Variants in TANC2 observed in about 807,000 individuals in gnomAD.
TANC2 encodes tetratricopeptide repeat, ankyrin repeat and coiled-coil containing 2, also known as protein TANC2.
TANC2 carries 26 observed loss-of-function variants against 210.5 expected under a neutral mutation model. That is an observed-to-expected ratio of 0.12 (90% confidence interval 0.09 to 0.17). The LOEUF is 0.17. TANC2 is among the 10% of genes least tolerant of loss of function. The pLI, the probability that TANC2 is intolerant of heterozygous loss-of-function variation, is 1.00. For synonymous variants in TANC2, 931 were observed against 967.1 expected (o/e 0.96, Z 0.69); for missense variants, 2,129 against 2,608.9 (o/e 0.82, Z 4.01).
At chr17:63,302,958 C>G (rs546290481) in intron 9 of TANC2, among the ~76,000 whole-genome samples, 1 of 151,974 alleles carries the variant, frequency 6.6e-6, no homozygotes, top group South Asian at 2.1e-4. Flanking sequence ...GAGACAGTTT[C>G]GCCATGTTGG....
chr17:63,009,474 C>A, intron 1 of TANC2, 63 bp from the exon 2 acceptor site: 1 of 1,098,538 alleles, frequency 9.1e-7, no homozygotes, highest in Non-Finnish European at 1.4e-6. Flanking sequence ...TGACTATAGT[C>A]ACCCTCTTAT....
chr17:63,139,881 G>T (rs1013437114), intron 4 of TANC2, among the ~76,000 whole-genome samples: 25 of 152,202 alleles, frequency 1.6e-4, no homozygotes, highest in Admixed American at 1.2e-3. Flanking sequence ...TTCAGCCAGG[G>T]TGACAGAGCA....
intron 9 of TANC2, among the ~76,000 whole-genome samples, chr17:63,309,953 T>C (rs2045061545): frequency 9.4e-6 from 1 of 106,286 alleles, no homozygotes; most frequent in African/African-American, 5.8e-5. Flanking sequence ...CTGGTAAAAT[T>C]TGTTAACCCT....
chr17:63,175,821 G>C (rs72845209), intron 5 of TANC2, among the ~76,000 whole-genome samples: 7,362 of 152,192 alleles, frequency 0.048, 263 homozygotes, highest in Non-Finnish European at 0.078. Flanking sequence ...TTAACAAGAA[G>C]ACAACTGAAT....
At chr17:63,094,237 C>G (rs2037306112) in intron 3 of TANC2, among the ~76,000 whole-genome samples, 1 of 151,904 alleles carries the variant, frequency 6.6e-6, no homozygotes, top group South Asian at 2.1e-4. Context: ...TGTTAAACTT[C>G]TCGGGGCCTG....
At chr17:63,280,931 C>T (rs545316938) in intron 9 of TANC2, among the ~76,000 whole-genome samples, 2 of 152,274 alleles carry the variant, frequency 1.3e-5, no homozygotes, top group South Asian at 4.1e-4. Flanking sequence ...TCTGGCACCT[C>T]TGGCCTGACA....
At chr17:63,209,220 C>T (rs1203505497) in intron 7 of TANC2, among the ~76,000 whole-genome samples, 5 of 151,750 alleles carry the variant, frequency 3.3e-5, no homozygotes, top group Non-Finnish European at 5.9e-5. Context: ...AACATATTGC[C>T]GAGGCTGGTC....
intron 9 of TANC2, among the ~76,000 whole-genome samples, chr17:63,308,994 T>C (rs2045024283): frequency 6.6e-6 from 1 of 152,198 alleles, no homozygotes; most frequent in Non-Finnish European, 1.5e-5. Flanking sequence ...GTAATCATAA[T>C]ATATATTGTT....
At chr17:62,987,588 C>T (rs2032633959) in intron 1 of TANC2, among the ~76,000 whole-genome samples, 1 of 152,122 alleles carries the variant, frequency 6.6e-6, no homozygotes, top group South Asian at 2.1e-4. Flanking sequence ...CCTACCTTTT[C>T]CCTGCAACAG....
rs2037870209 is a variant in TANC2 at position 63,107,443 on chromosome 17, G to A, written c.322+8086G>A. On this transcript the variant is annotated intron_variant, in intron 4 of 27. Transcript: ENST00000689528. ...CATGAAGTAGATGTTAACGATTATT[G>A]CTTTTTTATGCATGAGACAACATGG... Among the ~76,000 whole-genome samples, 3 of 151,700 alleles carry A rather than the reference G, an allele frequency of 2.0e-5. No individual in the cohort carries two copies. The South Asian group carries it at 6.2e-4, about 31-fold the overall frequency.
intron 14 of TANC2, among the ~76,000 whole-genome samples, chr17:63,365,014 A>G (rs1349526786): frequency 6.6e-6 from 1 of 152,230 alleles, no homozygotes; most frequent in African/African-American, 2.4e-5. Context: ...TGAAAGTAGC[A>G]CAGGAATTAG....
At chr17:63,138,336 AG>A (rs1282750465) in intron 4 of TANC2, among the ~76,000 whole-genome samples, 1 of 152,214 alleles carries the variant, frequency 6.6e-6, no homozygotes, top group Non-Finnish European at 1.5e-5. Flanking sequence ...CCCTAATACG[AG>A]GAGAAAACAT....
At chr17:63,242,622 A>G (rs766694145) in intron 8 of TANC2, among the ~76,000 whole-genome samples, 2 of 152,158 alleles carry the variant, frequency 1.3e-5, no homozygotes, top group Non-Finnish European at 2.9e-5. Flanking sequence ...TAAGAGAGAT[A>G]TGAGGTCAAA....
At chr17:63,183,596 G>A (rs2040867930) in intron 5 of TANC2, among the ~76,000 whole-genome samples, 1 of 152,176 alleles carries the variant, frequency 6.6e-6, no homozygotes, top group African/African-American at 2.4e-5. Flanking sequence ...TACACTGACA[G>A]TCCAGACTCC....
intron 8 of TANC2, among the ~76,000 whole-genome samples, chr17:63,263,557 G>T (rs1039150845): frequency 6.6e-6 from 1 of 152,120 alleles, no homozygotes; most frequent in South Asian, 2.1e-4. Context: ...AATCTGAGTT[G>T]TTTATTTTTT....
chr17:63,098,114 C>G (rs2037457599), intron 3 of TANC2, among the ~76,000 whole-genome samples: 5 of 151,872 alleles, frequency 3.3e-5, no homozygotes, highest in Admixed American at 3.3e-4. Context: ...TCTGTATTTA[C>G]TTTGTTCATG....
intron 14 of TANC2, among the ~76,000 whole-genome samples, chr17:63,374,844 A>G (rs569439171): frequency 3.3e-5 from 5 of 152,218 alleles, no homozygotes; most frequent in Non-Finnish European, 7.3e-5. Context: ...AATTTTGAGC[A>G]GAATTTTGAT....
In TANC2 at chr17:63,420,966, G is replaced by A; in HGVS notation, c.5236G>A (p.Gly1746Arg). Residue 1746 changes from glycine (G) to arginine (R), a missense_variant, in exon 28 of 28, where the codon GGG becomes AGG. By Grantham distance (125) the Gly-to-Arg change is moderately radical (BLOSUM62 -2). This residue lies in a region of TANC2 where 584 missense variants were observed against 627.3 expected (regional missense o/e 0.93). Transcript: ENST00000689528. This position sits in a 1 kb window ranked among gnomAD's most constrained non-coding sequence, Gnocchi z 4.2. The stretch of plus-strand genomic sequence containing the variant: ...CAGCCAGAGCCGGTTGGTTTATCAA[G>A]GGTCAATTGGGGGAATCGTAGGGGA... The A allele has an allele frequency of 6.2e-7, 1 of 1,614,028 alleles. No individual in the cohort carries two copies. Among genetic ancestry groups the A allele is most frequent in the Non-Finnish European group, 8.5e-7 (1 of 1,179,902 alleles).
chr17:63,383,914 T>C (rs1170473599), intron 15 of TANC2, among the ~76,000 whole-genome samples: 6 of 152,146 alleles, frequency 3.9e-5, no homozygotes, highest in Non-Finnish European at 8.8e-5. Context: ...ATTCTTTTCT[T>C]TTCCTGTTTG....
Sources: gnomAD v4.1 joint callset for allele counts (sites outside exome capture counted in the v4.1 genomes callset) on GRCh38, gnomAD v4.1.1 for gene constraint, gnomAD v4.1.1 regional missense constraint, Gnocchi (gnomAD v3.1) non-coding constraint, MANE v1.5 for transcripts, NCBI Gene and HGNC (gene_info 2026-07-23, HGNC 2026-07-21) for gene names.